SORBS2: variants seen among roughly 807,000 people sequenced by gnomAD.
SORBS2 encodes the protein sorbin and SH3 domain-containing protein 2.
Under a neutral mutation model 97.7 loss-of-function variants are expected in SORBS2, and 46 were observed. That is an observed-to-expected ratio of 0.47 (90% CI 0.37 to 0.60). The LOEUF is 0.60. Among genes scored for constraint, SORBS2 ranks in the 20% least tolerant of loss-of-function variants. SORBS2 has a pLI of 0.00. For missense variants in SORBS2, 1,316 were observed against 1,282.3 expected (o/e 1.03, Z -0.40); for synonymous variants, 476 against 473.4 (o/e 1.01, Z -0.07).
At chr4:185,850,867 A>T (rs1465577759) in intron 1 of SORBS2, among the ~76,000 whole-genome samples, 1 of 152,180 alleles carries the variant, frequency 6.6e-6, no homozygotes, top group Admixed American at 6.5e-5. Flanking sequence ...GTGTGTGGGC[A>T]TCATCTCATC....
intron 1 of SORBS2, among the ~76,000 whole-genome samples, chr4:185,883,894 G>A (rs183862554): frequency 1.8e-4 from 28 of 152,250 alleles, no homozygotes; most frequent in East Asian, 1.3e-3. Context: ...ACACAATATC[G>A]TGGAGGACTC....
intron 2 of SORBS2, among the ~76,000 whole-genome samples, chr4:185,743,769 G>A (rs548490973): frequency 6.9e-6 from 1 of 145,712 alleles, no homozygotes; most frequent in East Asian, 2.1e-4. Context: ...TCCTCTTCTG[G>A]TTCTTTCTTC....
intron 1 of SORBS2, among the ~76,000 whole-genome samples, chr4:185,837,797 A>G (rs2099208958): frequency 1.3e-5 from 2 of 151,854 alleles, no homozygotes; most frequent in South Asian, 2.1e-4. Flanking sequence ...GATTTAAATT[A>G]CTCTAAGACT....
At chr4:185,786,333 C>T (rs533877875) in intron 1 of SORBS2, among the ~76,000 whole-genome samples, 4 of 152,184 alleles carry the variant, frequency 2.6e-5, no homozygotes, top group African/African-American at 9.6e-5. Context: ...AAGGTAGTGG[C>T]GTTAAAAGAA....
intron 4 of SORBS2, among the ~76,000 whole-genome samples, chr4:185,637,369 A>G (rs2097029865): frequency 6.6e-6 from 1 of 152,230 alleles, no homozygotes. Context: ...AGGCTCTAGC[A>G]TCTGGGTTTG....
intron 11 of SORBS2, among the ~76,000 whole-genome samples, chr4:185,613,256 A>T (rs1197618389): frequency 1.3e-5 from 2 of 152,174 alleles, no homozygotes; most frequent in Non-Finnish European, 2.9e-5. Context: ...CCCAAGAAGA[A>T]CTTCGACCTT....
intron 1 of SORBS2, chr4:185,918,510 G>T (rs1357037437): frequency 2.6e-5 from 4 of 152,082 alleles, no homozygotes; most frequent in Admixed American, 6.6e-5. Flanking sequence ...CTACCCTCTG[G>T]CTTCAAGTTG....
At chr4:185,839,445 G>T (rs2099210182) in intron 1 of SORBS2, among the ~76,000 whole-genome samples, 1 of 152,162 alleles carries the variant, frequency 6.6e-6, no homozygotes, top group Non-Finnish European at 1.5e-5. Context: ...GGCCCCAGGG[G>T]TCGGTCCAGT....
intron 2 of SORBS2, among the ~76,000 whole-genome samples, chr4:185,737,734 T>A (rs556132896): frequency 3.3e-5 from 5 of 152,276 alleles, no homozygotes; most frequent in African/African-American, 1.2e-4. Flanking sequence ...CCATTGACCA[T>A]GCAAAACCTT....
rs537195530 is a variant in SORBS2, at chr4:185,848,618, CTTTTTTTT to C, written c.-337-73260_-337-73253del. 2.5e-3 allele frequency among the ~76,000 whole-genome samples: 187 copies of C among 75,526 alleles called. 1 individual carries two copies. Among genetic ancestry groups the C allele is most frequent in the Non-Finnish European group, 2.7e-3 (116 of 42,536 alleles). The allele number at this position is 75,526 out of a possible 152,430, so 49.5% of individuals were successfully genotyped here. Reference sequence around the variant, plus strand: ...TTAAATGTTCTTTATAAGGATATCTCTTTTTTTTTTTTTTTTTTTTTTTTTTTTTTTTT... The same window carrying C: ...TTAAATGTTCTTTATAAGGATATCTCTTTTTTTTTTTTTTTTTTTTTTTTT... On this transcript the variant is annotated intron_variant, in intron 1 of 20. Transcript: ENST00000284776.
exon 10 of SORBS2, chr4:185,615,107 G>T: frequency 1.2e-6 from 2 of 1,613,882 alleles, no homozygotes; most frequent in Non-Finnish European, 1.7e-6. Context: ...TACCAATTTT[G>T]ATCAATTTTC....
At chr4:185,856,991 C>A (rs2099220872) in intron 1 of SORBS2, among the ~76,000 whole-genome samples, 1 of 152,106 alleles carries the variant, frequency 6.6e-6, no homozygotes, top group Non-Finnish European at 1.5e-5. Context: ...CACCTCCCAC[C>A]AAGTCCCTTC....
chr4:185,923,108 A>G (rs1388978764), intron 1 of SORBS2, among the ~76,000 whole-genome samples: 4 of 152,146 alleles, frequency 2.6e-5, no homozygotes, highest in Non-Finnish European at 2.9e-5. Flanking sequence ...GATAATCTGT[A>G]TGGGGGGAGC....
At chr4:185,677,025 G>A (rs759670875) in intron 4 of SORBS2, 109 of 1,550,656 alleles carry the variant, frequency 7.0e-5, no homozygotes, top group Non-Finnish European at 7.8e-5. Flanking sequence ...CTGAGAGGCC[G>A]CTGCAACTGC....
intron 1 of SORBS2, among the ~76,000 whole-genome samples, chr4:185,820,672 G>A (rs996417468): frequency 3.9e-5 from 6 of 152,222 alleles, no homozygotes; most frequent in African/African-American, 1.4e-4. Flanking sequence ...GACACACAGG[G>A]CCCTTTAAGA....
intron 1 of SORBS2, among the ~76,000 whole-genome samples, chr4:185,879,212 T>C (rs1219323596): frequency 3.8e-5 from 5 of 130,156 alleles, no homozygotes; most frequent in Non-Finnish European, 6.2e-5. Context: ...ATGTTCCCCT[T>C]CCTGTGTCCA....
At chr4:185,768,932 T>A (rs1261723791) in intron 2 of SORBS2, among the ~76,000 whole-genome samples, 3 of 152,030 alleles carry the variant, frequency 2.0e-5, no homozygotes, top group African/African-American at 7.2e-5. Context: ...GCCAATAAGG[T>A]CACATTCAAA....
At chr4:185,814,308 G>A (rs2099191937) in intron 1 of SORBS2, among the ~76,000 whole-genome samples, 1 of 151,066 alleles carries the variant, frequency 6.6e-6, no homozygotes, top group African/African-American at 2.4e-5. Context: ...GAGGCAGGTG[G>A]ATCACTTGAG....
rs73873307 is a variant in SORBS2 at position 185,704,028 on chromosome 4, C to T, written c.-197-25206G>A. 7.5e-3 allele frequency among the ~76,000 whole-genome samples: 1,141 copies of T among 152,280 alleles called. 13 individuals carry two copies. The highest frequency in any genetic ancestry group is 0.026 in the African/African-American group (1,087 of 41,544). ...ATGATTTGTACTTCTAACATCAATT[C>T]ATATGGAATGAATGCTTCTAAAAAG... is the stretch of plus-strand genomic sequence containing the variant. On this transcript the variant is annotated intron_variant, in intron 2 of 20. Transcript: ENST00000284776.
Sources: gnomAD v4.1 joint callset for allele counts (sites outside exome capture counted in the v4.1 genomes callset) on GRCh38, gnomAD v4.1.1 for gene constraint, MANE v1.5 for transcripts, NCBI Gene and HGNC (gene_info 2026-07-23, HGNC 2026-07-21) for gene names.